The following TADA1 variants were observed in gnomAD, a reference collection of about 807,000 sequenced individuals.
TADA1 encodes transcriptional adaptor 1, also known as transcriptional adapter 1.
In TADA1, 23 loss-of-function variants were observed where a neutral mutation model predicts 39.3. That is an observed-to-expected ratio of 0.58 (90% CI 0.42 to 0.83). The LOEUF is 0.83. Ranked by LOEUF, TADA1 falls within the 40% of genes least tolerant of loss-of-function variation. TADA1 has a pLI of 0.00. For synonymous variants in TADA1, 137 were observed against 151.8 expected (o/e 0.90, Z 0.72); for missense variants, 352 against 408.1 (o/e 0.86, Z 1.18).
chr1:166,870,555 C>T (rs959917967), intron 1 of TADA1, among the ~76,000 whole-genome samples: 13 of 152,316 alleles, frequency 8.5e-5, no homozygotes, highest in Admixed American at 3.9e-4. Flanking sequence ...CTCGCCGGTA[C>T]GGTGGCTCAT....
At chr1:166,871,746 T>A (rs1207019794) in intron 1 of TADA1, among the ~76,000 whole-genome samples, 1 of 152,018 alleles carries the variant, frequency 6.6e-6, no homozygotes, top group Non-Finnish European at 1.5e-5. Flanking sequence ...TACATTTTTT[T>A]AAAGGACAGG....
At chr1:166,874,180 A>G (rs1388909777) in intron 1 of TADA1, among the ~76,000 whole-genome samples, 1 of 151,770 alleles carries the variant, frequency 6.6e-6, no homozygotes, top group Non-Finnish European at 1.5e-5. Context: ...ATCTCTACTA[A>G]AAATACAAAA....
chr1:166,857,372 TAG>T lies in TADA1; in HGVS notation c.*193_*194del, dbSNP rs1658300331. The T allele has an allele frequency of 1.6e-6, 1 of 612,750 alleles. No individual in the cohort carries two copies. Among genetic ancestry groups the T allele is most frequent in the Admixed American group, 3.2e-5 (1 of 31,602 alleles). 38.0% of individuals were successfully genotyped at this position (612,750 alleles called of 1,614,324 possible). A position where few individuals can be genotyped will look rare whatever the true frequency, so the allele number is the denominator to read the frequency against. ...TCCCACAACTGGGAACACATACATATAGAGATATGGGTCATTACCAAAGATTT... is the reference window on the plus strand; with the variant it reads ...TCCCACAACTGGGAACACATACATATAGATATGGGTCATTACCAAAGATTT... On this transcript the variant is annotated 3_prime_UTR_variant, in exon 8 of 8. Coordinates refer to ENST00000367874, the MANE Select transcript of TADA1 (RefSeq NM_053053.4).
Position 166,869,768 on chromosome 1 carries a change from T to C in TADA1, c.161A>G (p.Asp54Gly). 1 of 1,611,974 alleles carries C rather than the reference T, an allele frequency of 6.2e-7. No homozygotes were observed. The highest frequency in any genetic ancestry group is 8.5e-7 in the Non-Finnish European group (1 of 1,178,158). ...TCTGCAGATAATTATTTTACCATTA[T>C]CCTGTGTGAGAAGTCTATGAGCTTC... ...DLEAHRLLTQ[D>G]NVHSHNDFLL... The change falls in exon 2 of 8, where the codon GAT becomes GGT. Residue 54 changes from aspartate to glycine, a missense_variant. Physicochemically the swap from Asp to Gly is moderately conservative, Grantham distance 94. Coordinates refer to ENST00000367874, the MANE Select transcript of TADA1 (RefSeq NM_053053.4).
chr1:166,876,200 T>C lies in TADA1; in HGVS notation c.34A>G (p.Lys12Glu). 6.2e-7 allele frequency: 1 copy of C among 1,613,818 alleles called. No homozygotes were observed. Residue 12 changes from lysine (K) to glutamate (E), a missense_variant, in exon 1 of 8, where the codon AAG (lysine) becomes GAG (glutamate). By Grantham distance (56) the Lys-to-Glu change is moderately conservative. Transcript: ENST00000367874. ...CCCAGGGCCTCGCTTAAGTTCTTCTTGGCCGCCTCCAGCTCGCTCACAAAG... is the reference window on the plus strand; with the variant it reads ...CCCAGGGCCTCGCTTAAGTTCTTCTCGGCCGCCTCCAGCTCGCTCACAAAG... ...ATFVSELEAA[K>E]KNLSEALGDN...
chr1:166,870,861 C>T (rs987650678), intron 1 of TADA1, among the ~76,000 whole-genome samples: 1 of 152,118 alleles, frequency 6.6e-6, no homozygotes, highest in East Asian at 1.9e-4. Context: ...CAGGTAGTCA[C>T]AGAATTGGAC....
intron 6 of TADA1, among the ~76,000 whole-genome samples, chr1:166,859,789 C>T (rs1658366423): frequency 6.6e-6 from 1 of 152,034 alleles, no homozygotes; most frequent in Non-Finnish European, 1.5e-5. Flanking sequence ...CTCCTCCTCC[C>T]ACCACCAAGA....
At chr1:166,870,614 A>C (rs1444850242) in intron 1 of TADA1, among the ~76,000 whole-genome samples, 2 of 152,052 alleles carry the variant, frequency 1.3e-5, no homozygotes, top group Non-Finnish European at 2.9e-5. Flanking sequence ...GACCGCTTGA[A>C]CCCAGGAGTT....
At chr1:166,860,707 T>C (rs1658387193) in intron 5 of TADA1, among the ~76,000 whole-genome samples, 1 of 152,208 alleles carries the variant, frequency 6.6e-6, no homozygotes, top group Non-Finnish European at 1.5e-5. Flanking sequence ...TCTTGCTCTA[T>C]TGCCCAGGCT....
At chr1:166,875,357 C>T (rs1262991579) in intron 1 of TADA1, among the ~76,000 whole-genome samples, 2 of 152,176 alleles carry the variant, frequency 1.3e-5, no homozygotes, top group African/African-American at 4.8e-5. Context: ...TGCACTAGGT[C>T]CCCTGCCATA....
chr1:166,869,650 T>C, intron 2 of TADA1, 113 bp downstream of exon 2: 3 of 1,397,886 alleles, frequency 2.1e-6, no homozygotes, highest in South Asian at 1.2e-5. Flanking sequence ...ATTATTAAGA[T>C]AACCTTATAC....
At chr1:166,858,850 C>T (rs1658344299) in intron 6 of TADA1, among the ~76,000 whole-genome samples, 1 of 152,208 alleles carries the variant, frequency 6.6e-6, no homozygotes, top group African/African-American at 2.4e-5. Flanking sequence ...GAGGAAAGCA[C>T]AGTGGAACGT....
Position 166,870,547 on chromosome 1 carries a change from C to G in TADA1, c.75-693G>C, listed in dbSNP as rs61247449. 8.6e-3 allele frequency among the ~76,000 whole-genome samples: 1,307 copies of G among 152,266 alleles called. 13 individuals are homozygous for G. The highest frequency in any genetic ancestry group is 0.024 in the African/African-American group (1,005 of 41,544). On this transcript the variant is annotated intron_variant, in intron 1 of 7. Coordinates refer to ENST00000367874, the MANE Select transcript of TADA1 (RefSeq NM_053053.4). ...GGAAAATCCTCCCTAAAAGGGGACTCGCCGGTACGGTGGCTCATGCCTGTA... is the reference window on the plus strand; with the variant it reads ...GGAAAATCCTCCCTAAAAGGGGACTGGCCGGTACGGTGGCTCATGCCTGTA...
rs550123736 is a variant in TADA1 at position 166,856,922 on chromosome 1, C to G, written c.*645G>C. The G allele has an allele frequency of 1.1e-4, 16 of 152,304 alleles. No homozygotes were observed. The highest frequency in any genetic ancestry group is 3.4e-4 in the African/African-American group (14 of 41,562). 9.4% of individuals were successfully genotyped at this position (152,304 alleles called of 1,614,324 possible). A position where few individuals can be genotyped will look rare whatever the true frequency, so the allele number is the denominator to read the frequency against. ...GGGAAGACATAAAGTTAATTAATTGCATTACAAGAGTTTTGTTTTGACTTT... is the reference window on the plus strand; with the variant it reads ...GGGAAGACATAAAGTTAATTAATTGGATTACAAGAGTTTTGTTTTGACTTT... On this transcript the variant is annotated 3_prime_UTR_variant, in exon 8 of 8. Transcript: ENST00000367874.
chr1:166,874,499 A>C (rs963943598), intron 1 of TADA1, among the ~76,000 whole-genome samples: 4 of 152,186 alleles, frequency 2.6e-5, no homozygotes, highest in African/African-American at 9.7e-5. Context: ...TCGGTGGTAC[A>C]CTATAGTCGG....
At position 166,857,607 on chromosome 1, in the gene TADA1, C is replaced by T. The variant is rs772749203; in HGVS notation, c.968G>A (p.Arg323His). 17 of 1,614,048 alleles carry T rather than the reference C, an allele frequency of 1.1e-5. No homozygotes were observed. The highest frequency in any genetic ancestry group is 2.2e-5 in the South Asian group (2 of 91,082). ...CCCCTCCTTGGCTGCCAAGCGCTGG[C>T]GGTGAACTTTGTCTTGCTGCAGCTC... ...HEELQQDKVH[R>H]QRLAAKEGLL... The change falls in exon 8 of 8, where the codon CGC becomes CAC. Residue 323 changes from arginine to histidine, a missense_variant. Physicochemically the swap from Arg to His is conservative, Grantham distance 29. Around this residue, in one of 3 missense-constraint regions of TADA1, gnomAD observed 285 missense variants for 310.9 expected, o/e 0.92. Transcript: ENST00000367874.
At chr1:166,875,982 G>C (rs1461426137) in intron 1 of TADA1, among the ~76,000 whole-genome samples, 178 bp downstream of exon 1, 1 of 152,180 alleles carries the variant, frequency 6.6e-6, no homozygotes, top group Non-Finnish European at 1.5e-5. Context: ...TCTCTCCAGG[G>C]CGGTGAGTTC....
At chr1:166,869,731 T>C in intron 2 of TADA1, 32 bp downstream of exon 2, 2 of 1,583,890 alleles carry the variant, frequency 1.3e-6, no homozygotes, top group Non-Finnish European at 1.7e-6. Context: ...AACTACAGAA[T>C]AGTAAAATAA....
At chr1:166,876,022 A>ACCCCGAAG in intron 1 of TADA1, 138 bp downstream of exon 1, 1 of 814,738 alleles carries the variant, frequency 1.2e-6, no homozygotes, top group Non-Finnish European at 1.8e-6. Flanking sequence ...GGCCGGAGAA[A>ACCCCGAAG]CCCCGAAGCC....
Sources: gnomAD v4.1 joint callset for allele counts (sites outside exome capture counted in the v4.1 genomes callset) on GRCh38, gnomAD v4.1.1 for gene constraint, gnomAD v4.1.1 regional missense constraint, MANE v1.5 for transcripts, NCBI Gene and HGNC (gene_info 2026-07-23, HGNC 2026-07-21) for gene names.